The following NEGR1 variants were observed in gnomAD, a reference collection of about 807,000 sequenced individuals.
NEGR1 encodes the protein neuronal growth regulator 1.
In NEGR1, 10 loss-of-function variants were observed where a neutral mutation model predicts 40.9. The ratio of observed to expected loss-of-function variants is 0.24; its 90% CI spans 0.15 to 0.42. The LOEUF (loss-of-function observed/expected upper bound fraction) is 0.42, where lower values mean the gene tolerates loss of function less well. Among genes scored for constraint, NEGR1 ranks in the 10% least tolerant of loss-of-function variants. NEGR1 has a pLI of 1.00. For synonymous variants in NEGR1, 185 were observed against 166.8 expected (o/e 1.11, Z -0.84); for missense variants, 352 against 438.9 (o/e 0.80, Z 1.77).
At position 71,471,560 on chromosome 1, in the gene NEGR1, C is replaced by A. The variant is rs1005113984; in HGVS notation, c.941-63990G>T. ...ACTCAGGAGGCTGAGGCCAGAGAAT[C>A]ATTTGAACCCAGGAAGCAGAAGATG... On this transcript the variant is annotated intron_variant, in intron 6 of 6. Transcript: ENST00000357731. 4.4e-4 allele frequency among the ~76,000 whole-genome samples: 67 copies of A among 152,140 alleles called. 1 individual carries two copies. The highest frequency in any genetic ancestry group is 1.6e-3 in the African/African-American group (66 of 41,524).
At chr1:71,713,805 T>C (rs1419856384) in intron 3 of NEGR1, among the ~76,000 whole-genome samples, 1 of 152,172 alleles carries the variant, frequency 6.6e-6, no homozygotes, top group African/African-American at 2.4e-5. Context: ...CTGAAGGAAG[T>C]ATACATATAA....
intron 1 of NEGR1, among the ~76,000 whole-genome samples, chr1:72,224,446 G>T (rs1268934695): frequency 2.0e-5 from 3 of 152,046 alleles, no homozygotes; most frequent in African/African-American, 7.2e-5. Context: ...TGTGGGAAAA[G>T]AGTTCCATGC....
At chr1:71,428,093 G>A (rs1200316925) in intron 6 of NEGR1, among the ~76,000 whole-genome samples, 5 of 152,186 alleles carry the variant, frequency 3.3e-5, no homozygotes, top group African/African-American at 1.2e-4. Context: ...TGAAAGGGCA[G>A]AGGAAGACTG....
intron 4 of NEGR1, among the ~76,000 whole-genome samples, chr1:71,615,814 G>T (rs1468958241): frequency 1.3e-5 from 2 of 152,196 alleles, no homozygotes; most frequent in Non-Finnish European, 2.9e-5. Flanking sequence ...AACATGGTCT[G>T]CAAAGAGGCA....
At chr1:71,802,247 T>C (rs1280026819) in intron 2 of NEGR1, among the ~76,000 whole-genome samples, 1 of 152,028 alleles carries the variant, frequency 6.6e-6, no homozygotes, top group Non-Finnish European at 1.5e-5. Flanking sequence ...ATTTAGAGAA[T>C]TATCAGTTTA....
intron 1 of NEGR1, among the ~76,000 whole-genome samples, chr1:72,106,683 A>C (rs1649145996): frequency 2.0e-5 from 3 of 152,048 alleles, no homozygotes; most frequent in Admixed American, 2.0e-4. Flanking sequence ...CAATACATCT[A>C]GAATAAGAAG....
chr1:72,085,311 G>T (rs575717016), intron 1 of NEGR1, among the ~76,000 whole-genome samples: 5 of 152,188 alleles, frequency 3.3e-5, no homozygotes, highest in Non-Finnish European at 7.3e-5. Context: ...GAAAAAGTCT[G>T]CAATATTTGT....
At chr1:71,815,289 G>T (rs2101768074) in intron 2 of NEGR1, among the ~76,000 whole-genome samples, 1 of 152,124 alleles carries the variant, frequency 6.6e-6, no homozygotes, top group Middle Eastern at 3.4e-3. Flanking sequence ...TGTGATTTCA[G>T]TTCTTTTGCA....
At chr1:71,915,317 A>G (rs1239160181) in intron 2 of NEGR1, among the ~76,000 whole-genome samples, 1 of 152,122 alleles carries the variant, frequency 6.6e-6, no homozygotes, top group Non-Finnish European at 1.5e-5. Flanking sequence ...AGAATAGAAA[A>G]AATAGAAAGT....
chr1:72,109,606 C>G (rs887719855), intron 1 of NEGR1, among the ~76,000 whole-genome samples: 2 of 151,618 alleles, frequency 1.3e-5, no homozygotes, highest in East Asian at 1.9e-4. Flanking sequence ...CTTCATCTTT[C>G]TATTTGCTTC....
At chr1:72,209,650 G>A (rs185102808) in intron 1 of NEGR1, among the ~76,000 whole-genome samples, 44 of 151,766 alleles carry the variant, frequency 2.9e-4, no homozygotes, top group Admixed American at 2.6e-3. Flanking sequence ...AATTATATGT[G>A]TACATTTAAA....
At chr1:71,564,919 T>A (rs962959734) in intron 6 of NEGR1, among the ~76,000 whole-genome samples, 15 of 152,088 alleles carry the variant, frequency 9.9e-5, no homozygotes, top group African/African-American at 3.6e-4. Context: ...AGTATTCAGA[T>A]TTGCAGTGTA....
intron 2 of NEGR1, among the ~76,000 whole-genome samples, chr1:71,934,447 CTA>C (rs1645885143): frequency 6.6e-6 from 1 of 152,028 alleles, no homozygotes; most frequent in South Asian, 2.1e-4. Context: ...CTCAATTACT[CTA>C]TATTTAAATA....
rs1646410685 is a variant in NEGR1, at chr1:71,423,557, T to A, written c.941-15987A>T. 2.6e-5 allele frequency among the ~76,000 whole-genome samples: 4 copies of A among 152,314 alleles called. No individual in the cohort carries two copies. In the South Asian group the frequency reaches 8.3e-4, roughly 32 times the overall value. ...TTCATTTGAAGATATTACCTTTTCA[T>A]CACTTCACTGGTAGAGATTAGAGGT... On this transcript the variant is annotated intron_variant, in intron 6 of 6. Coordinates refer to ENST00000357731, the MANE Select transcript of NEGR1 (RefSeq NM_173808.3).
intron 3 of NEGR1, among the ~76,000 whole-genome samples, chr1:71,708,357 G>A (rs1653972541): frequency 6.6e-6 from 1 of 151,820 alleles, no homozygotes; most frequent in African/African-American, 2.4e-5. Flanking sequence ...GCTGAAAAAT[G>A]TATTTGGCAT....
chr1:71,695,633 G>T (rs535840043), intron 4 of NEGR1, among the ~76,000 whole-genome samples: 1 of 151,748 alleles, frequency 6.6e-6, no homozygotes, highest in Non-Finnish European at 1.5e-5. Flanking sequence ...TTGTTAGCCC[G>T]ACAGAATGTC....
At chr1:71,583,212 T>A (rs900183793) in intron 6 of NEGR1, among the ~76,000 whole-genome samples, 1 of 152,042 alleles carries the variant, frequency 6.6e-6, no homozygotes, top group African/African-American at 2.4e-5. Flanking sequence ...AAAAAATATA[T>A]GACTATCACA....
At chr1:72,148,115 G>A (rs561961136) in intron 1 of NEGR1, among the ~76,000 whole-genome samples, 1 of 151,794 alleles carries the variant, frequency 6.6e-6, no homozygotes, top group Non-Finnish European at 1.5e-5. Context: ...ACTCTGTGTA[G>A]GGGCTCAGAC....
intron 4 of NEGR1, among the ~76,000 whole-genome samples, chr1:71,660,703 T>C (rs1652025065): frequency 6.6e-6 from 1 of 152,094 alleles, no homozygotes; most frequent in South Asian, 2.1e-4. Context: ...CTTTTTCTTC[T>C]TATTATTATT....
Sources: allele counts gnomAD v4.1 joint callset (sites outside exome capture counted in the v4.1 genomes callset), GRCh38; gene constraint gnomAD v4.1.1; transcripts MANE v1.5; gene names NCBI Gene and HGNC (gene_info 2026-07-23, HGNC 2026-07-21).